MAZ: variants seen among roughly 807,000 people sequenced by gnomAD.
MAZ encodes myc-associated zinc finger protein.
MAZ carries 4 observed loss-of-function variants against 32.7 expected under a neutral mutation model. That is an observed-to-expected ratio of 0.12 (90% CI 0.06 to 0.28). MAZ has a LOEUF of 0.28. MAZ is among the 10% of genes least tolerant of loss of function. The pLI is 1.00. For missense variants in MAZ, 763 were observed against 667.2 expected, an observed-to-expected ratio of 1.14 and a Z score of -1.58; for synonymous variants, 510 against 297.6, an observed-to-expected ratio of 1.71 and a Z score of -7.35.
At chr16:29,809,746 G>T (rs1567372773) in intron 4 of MAZ, 2 of 1,432,870 alleles carry the variant, frequency 1.4e-6, no homozygotes, top group Non-Finnish European at 9.2e-7. Context: ...CTGCTGAGGG[G>T]GACCCCCGCA....
chr16:29,806,903 G>T lies in MAZ; in HGVS notation c.192+10G>T. ...CCAGAGTCCATTCCAGGTGAGTAGG[G>T]CCGGCCGCGGCGGCCCGGGCTGGGG... On this transcript the variant is annotated intron_variant, in intron 1 of 4. Coordinates refer to ENST00000322945, the MANE Select transcript of MAZ (RefSeq NM_002383.4). 1 of 1,315,602 alleles carries T rather than the reference G, an allele frequency of 7.6e-7. No homozygotes were observed. 81.5% of individuals were successfully genotyped at this position (1,315,602 alleles called of 1,614,324 possible). A position where few individuals can be genotyped will look rare whatever the true frequency, so the allele number is the denominator to read the frequency against.
At chr16:29,808,982 G>A (rs1293341053) in intron 4 of MAZ, 3 of 566,656 alleles carry the variant, frequency 5.3e-6, no homozygotes, top group East Asian at 6.0e-5. Context: ...TGGGGAAAGC[G>A]GGAGTGGAAC....
chr16:29,808,397 C>T (rs184105550), intron 3 of MAZ, 104 bp downstream of exon 3: 8 of 1,213,576 alleles, frequency 6.6e-6, no homozygotes, highest in African/African-American at 1.5e-5. Flanking sequence ...CTTCTTTTTG[C>T]CTTTTTGCTC....
Position 29,807,435 on chromosome 16 carries a change from C to T in MAZ, c.650C>T (p.Ala217Val), listed in dbSNP as rs1357751258. The T allele has an allele frequency of 1.2e-6, 2 of 1,612,338 alleles. No homozygotes were observed. Among genetic ancestry groups the T allele is most frequent in the East Asian group, 2.2e-5 (1 of 44,870 alleles). ...GAAGCCATCCACACGGGAGCCAAGGCCGGCCGGGTCCCCTCGGGTGCTATG... is the reference window on the plus strand; with the variant it reads ...GAAGCCATCCACACGGGAGCCAAGGTCGGCCGGGTCCCCTCGGGTGCTATG... ...RHEAIHTGAK[A>V]GRVPSGAMKM... is the part of the protein sequence containing the mutation. The change falls in exon 2 of 5, where the codon GCC (alanine) becomes GTC (valine). Residue 217 changes from alanine (A) to valine (V), a missense_variant. Coordinates refer to ENST00000322945, the MANE Select transcript of MAZ (RefSeq NM_002383.4).
intron 4 of MAZ, chr16:29,809,289 C>T (rs1218858335): frequency 3.6e-6 from 2 of 553,164 alleles, no homozygotes; most frequent in South Asian, 2.4e-5. Flanking sequence ...TGGGAGAGGT[C>T]TCCCGGCCAT....
chr16:29,808,482 G>C, intron 3 of MAZ, 88 bp from the exon 4 acceptor site: 4 of 1,059,884 alleles, frequency 3.8e-6, no homozygotes, highest in Non-Finnish European at 5.6e-6. Flanking sequence ...CCAAGGCTCT[G>C]ATTCCTTTAA....
intron 4 of MAZ, chr16:29,809,542 T>C: frequency 6.3e-7 from 1 of 1,588,180 alleles, no homozygotes; most frequent in Non-Finnish European, 8.6e-7. Flanking sequence ...CCCAATAGGC[T>C]TCACCACGGC....
intron 2 of MAZ, 100 bp downstream of exon 2, chr16:29,807,928 G>C: frequency 6.6e-7 from 1 of 1,518,286 alleles, no homozygotes; most frequent in South Asian, 1.2e-5. Flanking sequence ...GGCTGCTGAG[G>C]CTGGGGAAGG....
At chr16:29,808,471 C>T (rs1288973786) in intron 3 of MAZ, 99 bp from the exon 4 acceptor site, 13 of 1,026,072 alleles carry the variant, frequency 1.3e-5, no homozygotes, top group South Asian at 2.9e-5. Flanking sequence ...ATCAAAGATC[C>T]CCAAGGCTCT....
At position 29,808,407 on chromosome 16, in the gene MAZ, C is replaced by T. The variant is rs73528341; in HGVS notation, c.1107+114C>T. On this transcript the variant is annotated intron_variant, in intron 3 of 4. Coordinates refer to ENST00000322945, the MANE Select transcript of MAZ (RefSeq NM_002383.4). ...TCTCTCTTCTTTTTGCCTTTTTGCT[C>T]CATTTTCTCATCCCTTCTTCAAGGC... 2,097 of 1,149,144 alleles carry T rather than the reference C, an allele frequency of 1.8e-3. 22 individuals carry two copies. In the African/African-American group the frequency reaches 0.028, roughly 15 times the overall value. The allele number at this position is 1,149,144 out of a possible 1,614,324, so 71.2% of individuals were successfully genotyped here.
chr16:29,807,817 G>A lies in MAZ; in HGVS notation c.1032G>A (p.Lys344=). The A allele has an allele frequency of 3.1e-6, 5 of 1,607,284 alleles. No individual in the cohort carries two copies. The highest frequency in any genetic ancestry group is 3.4e-6 in the Non-Finnish European group (4 of 1,179,418). Reference sequence around the variant, plus strand: ...CCTACAACTGCTCCCACTGTGGCAAGAGCTTCTCCCGGTGTGCACGGGGCC... The same window carrying A: ...CCTACAACTGCTCCCACTGTGGCAAAAGCTTCTCCCGGTGTGCACGGGGCC... ...HKPYNCSHCG[K]SFSRPDHLNS... The change falls in exon 2 of 5, where the codon AAG becomes AAA. Residue 344 remains lysine, a synonymous_variant. Coordinates refer to ENST00000322945, the MANE Select transcript of MAZ (RefSeq NM_002383.4).
Position 29,810,257 on chromosome 16 carries a change from G to A in MAZ, c.*26G>A, listed in dbSNP as rs2142410235. 1.3e-6 allele frequency: 2 copies of A among 1,562,438 alleles called. No individual in the cohort carries two copies. Among genetic ancestry groups the A allele is most frequent in the East Asian group, 2.4e-5 (1 of 41,984 alleles). Reference sequence around the variant, plus strand: ...GCTCCAAGTTGGTTGCGGGGGAGAGGGGAGAATGGAGTAGAGTCCCTTGGT... The same window carrying A: ...GCTCCAAGTTGGTTGCGGGGGAGAGAGGAGAATGGAGTAGAGTCCCTTGGT... On this transcript the variant is annotated 3_prime_UTR_variant, in exon 5 of 5. Coordinates refer to ENST00000322945, the MANE Select transcript of MAZ (RefSeq NM_002383.4).
chr16:29,809,159 C>T (rs34286592), intron 4 of MAZ: 61,835 of 486,342 alleles, frequency 0.13, 4,314 homozygotes, highest in Non-Finnish European at 0.15. Flanking sequence ...AGAAAGCTGC[C>T]TTCAGTCAGA....
Position 29,810,372 on chromosome 16 carries a change from C to T in MAZ, c.*141C>T, listed in dbSNP as rs764739057. ...GAAGGAAAGGAGGAAGAAATGTTTT[C>T]TTAGGGGAATTCGCTAGGTTTTAAC... is the stretch of plus-strand genomic sequence containing the variant. On this transcript the variant is annotated 3_prime_UTR_variant, in exon 5 of 5. Coordinates refer to ENST00000322945, the MANE Select transcript of MAZ (RefSeq NM_002383.4). 5.1e-4 allele frequency: 470 copies of T among 913,096 alleles called. 1 individual carries two copies. Among genetic ancestry groups the T allele is most frequent in the Non-Finnish European group, 6.9e-4 (397 of 576,174 alleles). 56.6% of individuals were successfully genotyped at this position (913,096 alleles called of 1,614,324 possible).
intron 4 of MAZ, chr16:29,809,089 C>CT (rs1196577670): frequency 3.8e-6 from 2 of 521,038 alleles, no homozygotes; most frequent in Admixed American, 7.4e-5. Flanking sequence ...TCTCCAGCTC[C>CT]TGGGGCAGGT....
upstream of MAZ, chr16:29,806,326 G>T: frequency 6.5e-6 from 1 of 153,548 alleles, no homozygotes; most frequent in Non-Finnish European, 1.2e-5. Flanking sequence ...CCTCCCCGAG[G>T]CGCCGGCTGG....
chr16:29,809,690 G>A lies in MAZ; in HGVS notation c.1280-387G>A, dbSNP rs1368853921. On this transcript the variant is annotated intron_variant, in intron 4 of 4. Coordinates refer to ENST00000322945, the MANE Select transcript of MAZ (RefSeq NM_002383.4). Reference sequence around the variant, plus strand: ...GGCCACATGCAGACCCATCTGGGGGGGGCCGCCCCCCCTGTCCCGGGAGAC... The same window carrying A: ...GGCCACATGCAGACCCATCTGGGGGAGGCCGCCCCCCCTGTCCCGGGAGAC... 3.9e-6 allele frequency: 6 copies of A among 1,528,100 alleles called. No homozygotes were observed. The East Asian group carries it at 1.4e-4, about 36-fold the overall frequency. 94.7% of individuals were successfully genotyped at this position (1,528,100 alleles called of 1,614,324 possible).
intron 4 of MAZ, chr16:29,809,033 C>A: frequency 1.8e-6 from 1 of 545,322 alleles, no homozygotes. Flanking sequence ...AAGCCAGTTC[C>A]AGGGGTCACA....
chr16:29,810,937 C>T lies in MAZ; in HGVS notation c.*706C>T. The T allele has an allele frequency of 2.7e-6, 1 of 375,304 alleles. No individual in the cohort carries two copies. Among genetic ancestry groups the T allele is most frequent in the Non-Finnish European group, 5.3e-6 (1 of 189,070 alleles). The allele number at this position is 375,304 out of a possible 1,614,324, so 23.2% of individuals were successfully genotyped here. ...TAGGGGCCAGGGTGAGCGAGGGGTCCAGGGCCTAGAGGTGCTTCCTGGGGG... is the reference window on the plus strand; with the variant it reads ...TAGGGGCCAGGGTGAGCGAGGGGTCTAGGGCCTAGAGGTGCTTCCTGGGGG... On this transcript the variant is annotated 3_prime_UTR_variant, in exon 5 of 5. Transcript: ENST00000322945.
Sources: allele counts gnomAD v4.1 joint callset, GRCh38; gene constraint gnomAD v4.1.1; transcripts MANE v1.5; gene names NCBI Gene and HGNC (gene_info 2026-07-23, HGNC 2026-07-21).